HSPBAP1: variants seen among roughly 807,000 people sequenced by gnomAD.
HSPBAP1 encodes HSPB1-associated protein 1.
In HSPBAP1, 27 loss-of-function variants were observed where a neutral mutation model predicts 45.2. The observed-to-expected ratio is 0.60, with a 90% CI of 0.44 to 0.82. HSPBAP1 has a LOEUF of 0.82. HSPBAP1 is among the 40% of genes least tolerant of loss of function. The pLI is 0.00. For missense variants in HSPBAP1, 510 were observed against 590.9 expected (o/e 0.86, Z 1.42); for synonymous variants, 204 against 202.7 (o/e 1.01, Z -0.06).
intron 2 of HSPBAP1, among the ~76,000 whole-genome samples, chr3:122,773,340 C>T (rs1267857299): frequency 1.6e-5 from 2 of 128,760 alleles, no homozygotes; most frequent in East Asian, 5.0e-4. Flanking sequence ...GACAGAGTCT[C>T]ACTCTGTGGC....
chr3:122,786,118 AT>A (rs1364102225), intron 1 of HSPBAP1, among the ~76,000 whole-genome samples: 3 of 150,908 alleles, frequency 2.0e-5, no homozygotes, highest in Non-Finnish European at 3.0e-5. Context: ...ATCCTTTTAG[AT>A]TAAAAAAAAA....
chr3:122,758,354 G>A (rs976072895), intron 4 of HSPBAP1, among the ~76,000 whole-genome samples: 3 of 152,154 alleles, frequency 2.0e-5, no homozygotes, highest in African/African-American at 7.2e-5. Context: ...ATCTTCTAGA[G>A]TCCACAGATA....
intron 3 of HSPBAP1, among the ~76,000 whole-genome samples, chr3:122,766,938 A>C (rs1046449579): frequency 2.0e-5 from 3 of 152,242 alleles, no homozygotes; most frequent in Admixed American, 2.0e-4. Flanking sequence ...GTTACTATTA[A>C]GCAATATTTT....
At chr3:122,783,036 C>G (rs1408874315) in intron 1 of HSPBAP1, among the ~76,000 whole-genome samples, 1 of 152,134 alleles carries the variant, frequency 6.6e-6, no homozygotes, top group Non-Finnish European at 1.5e-5. Flanking sequence ...AGTCATCATT[C>G]TAAGTGAGGA....
At chr3:122,792,273 G>A (rs1184031326) in intron 1 of HSPBAP1, among the ~76,000 whole-genome samples, 2 of 152,156 alleles carry the variant, frequency 1.3e-5, no homozygotes, top group Non-Finnish European at 2.9e-5. Flanking sequence ...TCAGGCCCAC[G>A]GGTGCAGGTA....
At chr3:122,743,940 GA>G (rs1933759152) in intron 6 of HSPBAP1, among the ~76,000 whole-genome samples, 1 of 152,010 alleles carries the variant, frequency 6.6e-6, no homozygotes, top group Non-Finnish European at 1.5e-5. Context: ...TTGAGGCCAA[GA>G]GTTTGACGCT....
In HSPBAP1 at chr3:122,751,908, C is replaced by A. The variant is rs115567313; in HGVS notation, c.825+683G>T. Among the ~76,000 whole-genome samples the A allele has an allele frequency of 8.5e-3, 1,288 of 152,252 alleles. 16 individuals carry two copies. The highest frequency in any genetic ancestry group is 0.03 in the African/African-American group (1,237 of 41,526). On this transcript the variant is annotated intron_variant, in intron 6 of 7. Coordinates refer to ENST00000306103, the MANE Select transcript of HSPBAP1 (RefSeq NM_024610.6). ...GAAAAACTAGACTAGGGAGAGGATA[C>A]GGCTGTCAAACAGAGCAGAAAGATG... is the stretch of plus-strand genomic sequence containing the variant.
intron 3 of HSPBAP1, among the ~76,000 whole-genome samples, chr3:122,763,839 G>C (rs1560135101): frequency 6.6e-6 from 1 of 152,208 alleles, no homozygotes; most frequent in Non-Finnish European, 1.5e-5. Context: ...AATTATATAA[G>C]GATAGCATTT....
intron 7 of HSPBAP1, 31 bp from the exon 8 acceptor site, chr3:122,740,906 TTACA>T: frequency 6.2e-7 from 1 of 1,610,412 alleles, no homozygotes; most frequent in Non-Finnish European, 8.5e-7. Context: ...TTTAAAATGG[TTACA>T]TACATTTAGT....
At chr3:122,759,174 A>C in intron 4 of HSPBAP1, 50 bp downstream of exon 4, 1 of 1,468,886 alleles carries the variant, frequency 6.8e-7, no homozygotes. Context: ...GCATGCATGC[A>C]CATGTGCGTT....
At chr3:122,784,487 T>C (rs1288529409) in intron 1 of HSPBAP1, among the ~76,000 whole-genome samples, 2 of 152,160 alleles carry the variant, frequency 1.3e-5, no homozygotes, top group Middle Eastern at 6.8e-3. Flanking sequence ...GACAAGGCAA[T>C]CCCATAGTAT....
chr3:122,746,811 C>T (rs1022019076), intron 6 of HSPBAP1, among the ~76,000 whole-genome samples: 3 of 152,204 alleles, frequency 2.0e-5, no homozygotes, highest in Non-Finnish European at 4.4e-5. Flanking sequence ...CGCCGCCACG[C>T]CTGGCTGGTT....
At chr3:122,763,935 C>T (rs958907136) in intron 3 of HSPBAP1, among the ~76,000 whole-genome samples, 1 of 152,250 alleles carries the variant, frequency 6.6e-6, no homozygotes, top group Non-Finnish European at 1.5e-5. Context: ...GTTCTCTCTT[C>T]CCTCCTGGCC....
chr3:122,772,961 G>A (rs956452045), intron 2 of HSPBAP1, among the ~76,000 whole-genome samples: 1 of 151,976 alleles, frequency 6.6e-6, no homozygotes, highest in African/African-American at 2.4e-5. Flanking sequence ...CAATCCTCCT[G>A]CCTCAGCTTC....
chr3:122,754,938 G>A (rs1156236993), intron 5 of HSPBAP1: 12 of 1,034,876 alleles, frequency 1.2e-5, no homozygotes, highest in African/African-American at 1.7e-5. Flanking sequence ...AGAGATGCTC[G>A]AGTACCCATG....
At chr3:122,765,391 G>A (rs1934741117) in intron 3 of HSPBAP1, among the ~76,000 whole-genome samples, 1 of 152,030 alleles carries the variant, frequency 6.6e-6, no homozygotes, top group Non-Finnish European at 1.5e-5. Flanking sequence ...GGCCAGCCTG[G>A]CCAACATGGT....
chr3:122,744,725 T>A (rs1190750966), intron 6 of HSPBAP1, among the ~76,000 whole-genome samples: 1 of 152,214 alleles, frequency 6.6e-6, no homozygotes, highest in Non-Finnish European at 1.5e-5. Context: ...ATACAAAAGA[T>A]GACTAAATAG....
intron 3 of HSPBAP1, among the ~76,000 whole-genome samples, chr3:122,764,722 G>A (rs1436359800): frequency 6.6e-6 from 1 of 152,148 alleles, no homozygotes; most frequent in Non-Finnish European, 1.5e-5. Context: ...TAGGGAATTT[G>A]TGACAGTACA....
At chr3:122,765,386 G>T (rs2107519683) in intron 3 of HSPBAP1, among the ~76,000 whole-genome samples, 1 of 152,188 alleles carries the variant, frequency 6.6e-6, no homozygotes, top group East Asian at 1.9e-4. Flanking sequence ...TTCGAGGCCA[G>T]CCTGGCCAAC....
Sources: allele counts gnomAD v4.1 joint callset (sites outside exome capture counted in the v4.1 genomes callset), GRCh38; gene constraint gnomAD v4.1.1; transcripts MANE v1.5; gene names NCBI Gene and HGNC (gene_info 2026-07-23, HGNC 2026-07-21).